TRAPPC12: variants seen among roughly 807,000 people sequenced by gnomAD.
The protein encoded by TRAPPC12 is TPR repeat protein 15.
TRAPPC12 carries 61 observed loss-of-function variants against 69.2 expected under a neutral mutation model. The ratio of observed to expected loss-of-function variants is 0.88; its 90% CI spans 0.72 to 1.09. TRAPPC12 has a LOEUF of 1.09. Among genes scored for constraint, TRAPPC12 ranks in the 50% least tolerant of loss-of-function variants. The pLI is 0.00. For missense variants in TRAPPC12, 1,101 were observed against 1,016.4 expected, an observed-to-expected ratio of 1.08 and a Z score of -1.13; for synonymous variants, 469 against 438.9, an observed-to-expected ratio of 1.07 and a Z score of -0.86.
Position 3,457,634 on chromosome 2 carries a change from T to A in TRAPPC12, c.1544T>A (p.Leu515Ter). 1 of 1,612,926 alleles carries A rather than the reference T, an allele frequency of 6.2e-7. No homozygotes were observed. ...GAATGATTGCAGATCCTGGCCAATT[T>A]GGAGCAAGGCTTAGCAGAAGACGGC... ...KTVCSKILAN[L>*]EQGLAEDGGM... The change falls in exon 7 of 12, where the codon TTG becomes TAG. Residue 515 changes from leucine to a stop codon, truncating the protein, a stop_gained. Coordinates refer to ENST00000324266, the MANE Select transcript of TRAPPC12 (RefSeq NM_016030.6). LOFTEE classifies it high-confidence loss of function.
intron 7 of TRAPPC12, chr2:3,458,186 G>T: frequency 1.0e-6 from 1 of 1,000,328 alleles, no homozygotes; most frequent in Non-Finnish European, 1.2e-6. Flanking sequence ...GAAACCCCTT[G>T]GGGGACTGGG....
At chr2:3,421,822 C>G in intron 3 of TRAPPC12, 59 bp from the exon 4 acceptor site, 1 of 1,499,914 alleles carries the variant, frequency 6.7e-7, no homozygotes, top group Non-Finnish European at 9.3e-7. Context: ...GCGTTTGGGT[C>G]ATGGATTCCA....
chr2:3,389,372 G>A (rs1255437436), intron 2 of TRAPPC12, among the ~76,000 whole-genome samples: 2 of 152,258 alleles, frequency 1.3e-5, no homozygotes, highest in African/African-American at 2.4e-5. Flanking sequence ...GCAACTGAGT[G>A]TAGGGGTCCG....
intron 2 of TRAPPC12, among the ~76,000 whole-genome samples, chr2:3,394,598 G>A (rs117919861): frequency 0.017 from 2,628 of 151,544 alleles, 105 homozygotes; most frequent in East Asian, 0.17. Flanking sequence ...TCCAGCCTGC[G>A]CAACAGAGCA....
At chr2:3,422,718 C>T (rs1464333535) in intron 4 of TRAPPC12, among the ~76,000 whole-genome samples, 4 of 152,194 alleles carry the variant, frequency 2.6e-5, no homozygotes, top group Admixed American at 2.0e-4. Context: ...CAAGAAGAGC[C>T]GCTCTAGCTT....
At chr2:3,471,431 A>G (rs1161141530) in intron 9 of TRAPPC12, among the ~76,000 whole-genome samples, 1 of 152,222 alleles carries the variant, frequency 6.6e-6, no homozygotes, top group Non-Finnish European at 1.5e-5. Flanking sequence ...CCCGCCAGAC[A>G]GGTGACAGCC....
chr2:3,421,747 T>C, intron 3 of TRAPPC12, 134 bp from the exon 4 acceptor site: 1 of 802,962 alleles, frequency 1.2e-6, no homozygotes, highest in South Asian at 1.4e-5. Context: ...ACTGACGTTG[T>C]CACCATTACT....
intron 2 of TRAPPC12, among the ~76,000 whole-genome samples, chr2:3,399,621 G>A (rs1472374145): frequency 6.6e-6 from 1 of 152,196 alleles, no homozygotes; most frequent in African/African-American, 2.4e-5. Flanking sequence ...GCCGCAGGCT[G>A]TTGATCTCTC....
chr2:3,439,185 C>G (rs746008040), intron 5 of TRAPPC12, among the ~76,000 whole-genome samples: 1 of 152,092 alleles, frequency 6.6e-6, no homozygotes, highest in Non-Finnish European at 1.5e-5. Flanking sequence ...TTTGCAGTTC[C>G]CTAATGACAT....
intron 3 of TRAPPC12, among the ~76,000 whole-genome samples, chr2:3,410,987 G>A (rs1359053640): frequency 5.3e-5 from 8 of 152,142 alleles, no homozygotes; most frequent in East Asian, 1.9e-4. Flanking sequence ...CCAAGATCAC[G>A]CCACTGCACT....
At chr2:3,431,369 C>CAGGG (rs1663429808) in intron 5 of TRAPPC12, among the ~76,000 whole-genome samples, 1 of 152,256 alleles carries the variant, frequency 6.6e-6, no homozygotes, top group Non-Finnish European at 1.5e-5. Flanking sequence ...TCCCAGGAAA[C>CAGGG]ATCATCCAGC....
At chr2:3,459,969 C>A in intron 7 of TRAPPC12, 1 of 495,992 alleles carries the variant, frequency 2.0e-6, no homozygotes, top group Non-Finnish European at 3.6e-6. Flanking sequence ...GCTTTGGAAA[C>A]GGGGCCCCCG....
chr2:3,423,859 C>T (rs1322368617), intron 4 of TRAPPC12, among the ~76,000 whole-genome samples: 3 of 152,216 alleles, frequency 2.0e-5, no homozygotes, highest in Non-Finnish European at 4.4e-5. Flanking sequence ...CAAATTCCCA[C>T]CATTTTCCTG....
At chr2:3,398,426 G>C (rs533328975) in intron 2 of TRAPPC12, among the ~76,000 whole-genome samples, 2 of 152,214 alleles carry the variant, frequency 1.3e-5, no homozygotes, top group South Asian at 2.1e-4. Flanking sequence ...TTTTTCCCTG[G>C]AGTAAGCAAA....
chr2:3,380,665 A>G (rs1660165172), intron 1 of TRAPPC12, among the ~76,000 whole-genome samples: 1 of 152,210 alleles, frequency 6.6e-6, no homozygotes, highest in Non-Finnish European at 1.5e-5. Context: ...TGGGAGAGGG[A>G]CAGGGGAAAA....
intron 5 of TRAPPC12, among the ~76,000 whole-genome samples, chr2:3,436,520 A>G (rs918720962): frequency 1.3e-5 from 2 of 152,160 alleles, no homozygotes; most frequent in African/African-American, 4.8e-5. Flanking sequence ...TTTATTATTA[A>G]TAAGTATAAA....
intron 3 of TRAPPC12, among the ~76,000 whole-genome samples, chr2:3,415,103 A>G (rs12474836): frequency 0.64 from 96,839 of 151,942 alleles, 31,383 homozygotes; most frequent in African/African-American, 0.76. Flanking sequence ...GTTTATGCAT[A>G]TGTGTGTATG....
At chr2:3,462,997 T>C (rs898346385) in intron 8 of TRAPPC12, 16 of 469,150 alleles carry the variant, frequency 3.4e-5, no homozygotes, top group African/African-American at 2.8e-4. Flanking sequence ...TAAATCTAGT[T>C]TCACGGCCTG....
At chr2:3,441,471 C>G (rs1664194256) in intron 5 of TRAPPC12, among the ~76,000 whole-genome samples, 1 of 151,940 alleles carries the variant, frequency 6.6e-6, no homozygotes, top group Non-Finnish European at 1.5e-5. Context: ...TTTATGTCTT[C>G]TCTGTTTTTT....
Sources: gnomAD v4.1 joint callset for allele counts (sites outside exome capture counted in the v4.1 genomes callset) on GRCh38, gnomAD v4.1.1 for gene constraint, MANE v1.5 for transcripts, NCBI Gene and HGNC (gene_info 2026-07-23, HGNC 2026-07-21) for gene names.